Variants in DMBT1 observed in about 807,000 individuals in gnomAD.
The protein encoded by DMBT1 is scavenger receptor cysteine-rich domain-containing protein DMBT1.
Under a neutral mutation model 252.9 loss-of-function variants are expected in DMBT1, and 198 were observed. That is an observed-to-expected ratio of 0.78 (90% CI 0.70 to 0.88). The LOEUF (loss-of-function observed/expected upper bound fraction) is 0.88. Ranked by LOEUF, DMBT1 falls within the 40% of genes least tolerant of loss-of-function variation. The pLI is 0.00. For synonymous variants in DMBT1, 990 were observed against 942.7 expected (o/e 1.05, Z -0.92); for missense variants, 2,432 against 2,404.7 (o/e 1.01, Z -0.24).
Position 122,632,890 on chromosome 10 carries a change from A to C in DMBT1, c.6397A>C (p.Thr2133Pro). The C allele has an allele frequency of 6.2e-7, 1 of 1,613,832 alleles. No homozygotes were observed. Among genetic ancestry groups the C allele is most frequent in the Non-Finnish European group, 8.5e-7 (1 of 1,179,852 alleles). The change falls in exon 51 of 56, where the codon ACA becomes CCA. Residue 2133 changes from threonine (T) to proline (P), a missense_variant and splice_region_variant. Around this residue, in one of 3 missense-constraint regions of DMBT1, gnomAD observed 1,162 missense variants for 1,169.0 expected, o/e 0.99. Transcript: ENST00000338354. ...APFLNITRPN[T>P]DYSCGGFLSQ... Reference sequence around the variant, plus strand: ...TTTTCTCAACATCACCCGTCCAAACAGTAAGTTCTGAGCTCCCTGACAAGT... The same window carrying C: ...TTTTCTCAACATCACCCGTCCAAACCGTAAGTTCTGAGCTCCCTGACAAGT...
In DMBT1 at chr10:122,621,295, T is replaced by C. The variant is rs775118458; in HGVS notation, c.5523T>C (p.Asn1841=). The C allele has an allele frequency of 6.2e-5, 100 of 1,613,704 alleles. No homozygotes were observed. Among genetic ancestry groups the C allele is most frequent in the Admixed American group, 2.8e-4 (17 of 60,000 alleles). Residue 1841 remains asparagine (N), a synonymous_variant, in exon 44 of 56, where the codon AAT becomes AAC. Coordinates refer to ENST00000338354, the MANE Select transcript of DMBT1 (RefSeq NM_001377530.1). ...IVLDDVRCSG[N]ESYLWSCPHK... is the part of the protein sequence containing the mutation. Reference sequence around the variant, plus strand: ...TGGATGATGTGCGCTGCTCAGGGAATGAGTCCTACCTGTGGAGCTGCCCCC... The same window carrying C: ...TGGATGATGTGCGCTGCTCAGGGAACGAGTCCTACCTGTGGAGCTGCCCCC...
intron 27 of DMBT1, among the ~76,000 whole-genome samples, chr10:122,600,662 C>G (rs2097942451): frequency 6.6e-6 from 1 of 152,216 alleles, no homozygotes; most frequent in Non-Finnish European, 1.5e-5. Flanking sequence ...AACATTTTAT[C>G]TGCCAGTGTC....
intron 24 of DMBT1, among the ~76,000 whole-genome samples, chr10:122,597,325 A>T (rs1188257169): frequency 2.6e-5 from 4 of 152,206 alleles, no homozygotes; most frequent in Non-Finnish European, 5.9e-5. Flanking sequence ...AAGTGACCTC[A>T]TATTTAATTA....
intron 16 of DMBT1, among the ~76,000 whole-genome samples, chr10:122,587,146 T>G (rs1410966821): frequency 1.3e-5 from 2 of 148,190 alleles, no homozygotes; most frequent in African/African-American, 4.9e-5. Flanking sequence ...TATAGCATGC[T>G]GCCTCTCCAG....
rs182328350 is a variant in DMBT1, at chr10:122,599,508, T to G, written c.3280+411T>G. Among the ~76,000 whole-genome samples the G allele has an allele frequency of 3.1e-3, 479 of 152,298 alleles. 1 individual carries two copies. The highest frequency in any genetic ancestry group is 0.01 in the African/African-American group (435 of 41,570). On this transcript the variant is annotated intron_variant, in intron 26 of 55. Coordinates refer to ENST00000338354, the MANE Select transcript of DMBT1 (RefSeq NM_001377530.1). ...GCTTGTCTGAAAGTGGGTTCTCAGC[T>G]GAGACCCAGTGAGGAGGTCTGGAAA...
intron 55 of DMBT1, among the ~76,000 whole-genome samples, 155 bp from the exon 56 acceptor site, chr10:122,642,967 A>T (rs1228290385): frequency 2.0e-5 from 3 of 151,990 alleles, no homozygotes; most frequent in Non-Finnish European, 4.4e-5. Flanking sequence ...CCCCTCAGTG[A>T]GTGTCTGATC....
In DMBT1 at chr10:122,570,800, A is replaced by G. The variant is rs939105397; in HGVS notation, c.140-90A>G. On this transcript the variant is annotated intron_variant, in intron 3 of 55. Transcript: ENST00000338354. ...GGTTGCCCTTAGGATCTGTGTTTCCAGCCCTTGCTTCAGAGCTGACGAAGC... is the reference window on the plus strand; with the variant it reads ...GGTTGCCCTTAGGATCTGTGTTTCCGGCCCTTGCTTCAGAGCTGACGAAGC... 5 of 1,467,746 alleles carry G rather than the reference A, an allele frequency of 3.4e-6. No homozygotes were observed. The African/African-American group carries it at 5.6e-5, about 16-fold the overall frequency. 90.9% of individuals were successfully genotyped at this position (1,467,746 alleles called of 1,614,324 possible). A position where few individuals can be genotyped will look rare whatever the true frequency, so the allele number is the denominator to read the frequency against.
intron 40 of DMBT1, 138 bp downstream of exon 40, chr10:122,617,398 C>A (rs1032813920): frequency 2.7e-6 from 3 of 1,104,716 alleles, no homozygotes; most frequent in African/African-American, 3.2e-5. Context: ...GGTGGAGTTT[C>A]TAGGGAGTCA....
At chr10:122,598,090 A>G (rs878901587) in intron 25 of DMBT1, 78 bp downstream of exon 25, 7 of 1,601,858 alleles carry the variant, frequency 4.4e-6, no homozygotes, top group East Asian at 4.5e-5. Context: ...TGATAGGATG[A>G]GGGTCAAGGT....
chr10:122,575,186 G>A (rs1222493944), intron 6 of DMBT1, among the ~76,000 whole-genome samples: 1 of 152,214 alleles, frequency 6.6e-6, no homozygotes, highest in Non-Finnish European at 1.5e-5. Context: ...GTTCAATGTT[G>A]TACTGGAGGT....
At chr10:122,566,544 T>C (rs1450263351) in intron 2 of DMBT1, among the ~76,000 whole-genome samples, 1 of 152,088 alleles carries the variant, frequency 6.6e-6, no homozygotes, top group Non-Finnish European at 1.5e-5. Flanking sequence ...TCTCTTGACC[T>C]CGTGATCCAC....
chr10:122,599,011 A>G lies in DMBT1; in HGVS notation c.3194A>G (p.His1065Arg), dbSNP rs377494878. 1.1e-4 allele frequency: 183 copies of G among 1,613,802 alleles called. No homozygotes were observed. Among genetic ancestry groups the G allele is most frequent in the Non-Finnish European group, 1.5e-4 (173 of 1,179,746 alleles). The change falls in exon 26 of 56, where the codon CAC becomes CGC. Residue 1065 changes from histidine (H) to arginine (R), a missense_variant. Coordinates refer to ENST00000338354, the MANE Select transcript of DMBT1 (RefSeq NM_001377530.1). ...CTGGATGATGTGCGCTGCTCAGGAC[A>G]CGAGTCTTACCTGTGGAGCTGCCCC... ...IVLDDVRCSG[H>R]ESYLWSCPHN...
rs891548122 is a variant in DMBT1 at position 122,619,174 on chromosome 10, C to T, written c.5216-134C>T. On this transcript the variant is annotated intron_variant, in intron 41 of 55. Transcript: ENST00000338354. ...TGCATCTCTGTGGGAATTTACATGG[C>T]AATGCCCCTCCCTCTGTGATAGGGA... is the stretch of plus-strand genomic sequence containing the variant. 1.9e-5 allele frequency: 22 copies of T among 1,153,654 alleles called. No homozygotes were observed. The African/African-American group carries it at 3.3e-4, about 17-fold the overall frequency. The allele number at this position is 1,153,654 out of a possible 1,614,324, so 71.5% of individuals were successfully genotyped here.
intron 27 of DMBT1, 47 bp downstream of exon 27, chr10:122,600,140 C>T: frequency 6.3e-7 from 1 of 1,592,650 alleles, no homozygotes; most frequent in Middle Eastern, 1.7e-4. Flanking sequence ...TCTTTCTGCC[C>T]AATCACCCCT....
In DMBT1 at chr10:122,643,151, A is replaced by T. The variant is rs892569294; in HGVS notation, c.7382A>T (p.Tyr2461Phe). 2 of 1,613,254 alleles carry T rather than the reference A, an allele frequency of 1.2e-6. No individual in the cohort carries two copies. The highest frequency in any genetic ancestry group is 1.7e-6 in the Non-Finnish European group (2 of 1,179,684). The change falls in exon 56 of 56, where the codon TAC (tyrosine) becomes TTC (phenylalanine). Residue 2461 changes from tyrosine (Y) to phenylalanine (F), a missense_variant. Coordinates refer to ENST00000338354, the MANE Select transcript of DMBT1 (RefSeq NM_001377530.1). The part of the protein sequence containing the change: ...GCVRDDTYGP[Y>F]SSPSLRIARF... Reference sequence around the variant, plus strand: ...GTGAGGGATGACACCTACGGACCCTACTCCTCGCCATCTCTTCGCATTGCC... The same window carrying T: ...GTGAGGGATGACACCTACGGACCCTTCTCCTCGCCATCTCTTCGCATTGCC...
chr10:122,643,183 C>A lies in DMBT1; in HGVS notation c.7414C>A (p.Arg2472=). 1 of 1,613,972 alleles carries A rather than the reference C, an allele frequency of 6.2e-7. No individual in the cohort carries two copies. The highest frequency in any genetic ancestry group is 2.2e-5 in the East Asian group (1 of 44,872). The change falls in exon 56 of 56, where the codon CGG becomes AGG. Residue 2472 remains arginine, a synonymous_variant. Coordinates refer to ENST00000338354, the MANE Select transcript of DMBT1 (RefSeq NM_001377530.1). ...GCCATCTCTTCGCATTGCCCGCTTC[C>A]GGTTCAGGGCCTTCCACTTCCTGAA... ...SSPSLRIARF[R]FRAFHFLNRF...
chr10:122,565,846 C>T (rs1591124964), intron 1 of DMBT1, 121 bp from the exon 2 acceptor site: 4 of 928,582 alleles, frequency 4.3e-6, no homozygotes, highest in South Asian at 2.8e-5. Context: ...GACACACAAA[C>T]CCAAGATTGA....
Position 122,617,406 on chromosome 10 carries a change from T to C in DMBT1, c.4891+146T>C, listed in dbSNP as rs112800121. ...GGAGGAAGGTGGAGTTTCTAGGGAG[T>C]CAGCCCTGGGTTTGATGTTTGAGGA... On this transcript the variant is annotated intron_variant, in intron 40 of 55. Transcript: ENST00000338354. 1.3e-4 allele frequency: 134 copies of C among 1,053,588 alleles called. No homozygotes were observed. The African/African-American group carries it at 1.7e-3, about 13-fold the overall frequency. 65.3% of individuals were successfully genotyped at this position (1,053,588 alleles called of 1,614,324 possible).
Position 122,598,944 on chromosome 10 carries a change from C to T in DMBT1, c.3127C>T (p.Pro1043Ser), listed in dbSNP as rs372075793. The T allele has an allele frequency of 1.2e-6, 2 of 1,613,744 alleles. No homozygotes were observed. The highest frequency in any genetic ancestry group is 1.7e-5 in the Admixed American group (1 of 60,016). The part of the protein sequence containing the change: ...QLGCGWAMSA[P>S]GNARFGQGSG... The stretch of plus-strand genomic sequence containing the variant: ...GGGCTGTGGCTGGGCCATGTCAGCC[C>T]CAGGAAATGCCCGGTTTGGTCAGGG... Residue 1043 changes from proline (P) to serine (S), a missense_variant, in exon 26 of 56, where the codon CCA (proline) becomes TCA (serine). Physicochemically the swap from Pro to Ser is moderately conservative, Grantham distance 74 (BLOSUM62 -1). Transcript: ENST00000338354.
Sources: allele counts gnomAD v4.1 joint callset (sites outside exome capture counted in the v4.1 genomes callset), GRCh38; gene constraint gnomAD v4.1.1; regional missense constraint gnomAD v4.1.1; transcripts MANE v1.5; gene names NCBI Gene and HGNC (gene_info 2026-07-23, HGNC 2026-07-21).